Variants in GRAMD4 observed in about 807,000 individuals in gnomAD.
GRAMD4 encodes GRAM domain containing 4.
Under a neutral mutation model 83.9 loss-of-function variants are expected in GRAMD4, and 25 were observed. The ratio of observed to expected loss-of-function variants is 0.30; its 90% CI spans 0.22 to 0.42. GRAMD4 has a LOEUF of 0.42. Among genes scored for constraint, GRAMD4 ranks in the 10% least tolerant of loss-of-function variants. GRAMD4 has a pLI of 1.00. For missense variants in GRAMD4, 593 were observed against 788.7 expected (o/e 0.75, Z 2.97); for synonymous variants, 336 against 320.9 (o/e 1.05, Z -0.50).
chr22:46,619,621 C>G (rs2081546524), upstream of GRAMD4, among the ~76,000 whole-genome samples: 1 of 152,164 alleles, frequency 6.6e-6, no homozygotes, highest in African/African-American at 2.4e-5. Flanking sequence ...AGAACCAGGC[C>G]TTCTTTGCTG....
intron 2 of GRAMD4, among the ~76,000 whole-genome samples, chr22:46,636,883 C>T (rs1443938536): frequency 6.6e-6 from 1 of 152,228 alleles, no homozygotes; most frequent in Non-Finnish European, 1.5e-5. Context: ...TCGAGCCCGT[C>T]CTGGCTTGCT....
chr22:46,627,132 C>T (rs145247017), intron 2 of GRAMD4, among the ~76,000 whole-genome samples, 171 bp downstream of exon 2: 334 of 152,282 alleles, frequency 2.2e-3, no homozygotes, highest in African/African-American at 7.3e-3. Flanking sequence ...CTTGTGGGGC[C>T]GGGGTGCTGC....
chr22:46,674,778 G>T, intron 16 of GRAMD4, 28 bp downstream of exon 16: 1 of 1,506,030 alleles, frequency 6.6e-7, no homozygotes, highest in South Asian at 1.1e-5. Context: ...GCCCTGTGTG[G>T]CTGCAGGGGA....
intron 3 of GRAMD4, among the ~76,000 whole-genome samples, chr22:46,653,126 G>A (rs914705820): frequency 1.3e-5 from 2 of 152,216 alleles, no homozygotes; most frequent in African/African-American, 2.4e-5. Context: ...CATCAGGAAC[G>A]ACACTGGGCA....
At chr22:46,595,055 G>A (rs914648677) in intron 1 of GRAMD4, among the ~76,000 whole-genome samples, 4 of 152,150 alleles carry the variant, frequency 2.6e-5, no homozygotes, top group African/African-American at 4.8e-5. Flanking sequence ...GTGGCCTGGC[G>A]TCGAGGCAAA....
At chr22:46,658,672 A>G (rs1026341338) in intron 4 of GRAMD4, among the ~76,000 whole-genome samples, 1 of 151,960 alleles carries the variant, frequency 6.6e-6, no homozygotes, top group African/African-American at 2.4e-5. Flanking sequence ...TGGTGACCCC[A>G]TTCTGTACAT....
At chr22:46,591,723 C>T (rs1452556244) in intron 1 of GRAMD4, among the ~76,000 whole-genome samples, 4 of 150,904 alleles carry the variant, frequency 2.7e-5, no homozygotes, top group Non-Finnish European at 5.9e-5. Context: ...ATCCCAGCTA[C>T]TCTGGAGGTT....
intron 16 of GRAMD4, 80 bp from the exon 17 acceptor site, chr22:46,675,388 C>A: frequency 1.1e-6 from 1 of 925,620 alleles, no homozygotes; most frequent in Non-Finnish European, 1.8e-6. Context: ...GGCTGAGAGG[C>A]AGCCCCGGGA....
At chr22:46,662,516 C>T (rs964875358) in intron 5 of GRAMD4, among the ~76,000 whole-genome samples, 6 of 152,228 alleles carry the variant, frequency 3.9e-5, no homozygotes, top group African/African-American at 1.2e-4. Flanking sequence ...ACGACAACAC[C>T]GTGCGCTCAC....
At chr22:46,651,567 G>C (rs2082166277) in intron 3 of GRAMD4, among the ~76,000 whole-genome samples, 1 of 152,224 alleles carries the variant, frequency 6.6e-6, no homozygotes, top group Admixed American at 6.5e-5. Context: ...CGGCGTGTAT[G>C]GCTGCCACCT....
intron 2 of GRAMD4, among the ~76,000 whole-genome samples, chr22:46,627,727 C>T (rs1231952169): frequency 6.6e-6 from 1 of 152,238 alleles, no homozygotes; most frequent in Non-Finnish European, 1.5e-5. Context: ...GGCCTGGGAG[C>T]GCCGGCCTTC....
rs552279985 is a variant in GRAMD4, at chr22:46,671,041, C to G, written c.1085-1802C>G. On this transcript the variant is annotated intron_variant, in intron 13 of 18. Coordinates refer to ENST00000406902, the MANE Select transcript of GRAMD4 (RefSeq NM_015124.5). ...CCTGGCTTATCGGTGCCCATGTATT[C>G]TTTTGCAGTGCTGACAAGGGACCTC... is the stretch of plus-strand genomic sequence containing the variant. 199 of 456,706 alleles carry G rather than the reference C, an allele frequency of 4.4e-4. 1 individual carries two copies. The highest frequency in any genetic ancestry group is 3.8e-3 in the African/African-American group (188 of 49,960). The allele number at this position is 456,706 out of a possible 1,614,324, so 28.3% of individuals were successfully genotyped here. A position where few individuals can be genotyped will look rare whatever the true frequency, so the allele number is the denominator to read the frequency against.
At chr22:46,604,201 C>T (rs964675537) in intron 1 of GRAMD4, among the ~76,000 whole-genome samples, 1 of 152,168 alleles carries the variant, frequency 6.6e-6, no homozygotes, top group Non-Finnish European at 1.5e-5. Context: ...GCTGGCCTCC[C>T]CCCGTCAGTC....
At chr22:46,676,318 C>T (rs1244682333) in intron 17 of GRAMD4, among the ~76,000 whole-genome samples, 1 of 152,194 alleles carries the variant, frequency 6.6e-6, no homozygotes, top group East Asian at 1.9e-4. Context: ...GGGCTGAGTG[C>T]CTACCGTCAG....
chr22:46,610,948 C>T (rs2081410889), intron 1 of GRAMD4, among the ~76,000 whole-genome samples: 1 of 152,170 alleles, frequency 6.6e-6, no homozygotes, highest in East Asian at 1.9e-4. Flanking sequence ...GGAGTGGTGG[C>T]TCATGCCTGT....
In GRAMD4 at chr22:46,635,792, GC is replaced by G. The variant is rs1224682802; in HGVS notation, c.163-2042del. 4.4e-3 allele frequency among the ~76,000 whole-genome samples: 213 copies of G among 48,764 alleles called. 1 individual carries two copies. The highest frequency in any genetic ancestry group is 6.5e-3 in the Admixed American group (24 of 3,708). The allele number at this position is 48,764 out of a possible 152,430, so 32.0% of individuals were successfully genotyped here. A position where few individuals can be genotyped will look rare whatever the true frequency, so the allele number is the denominator to read the frequency against. On this transcript the variant is annotated intron_variant, in intron 2 of 18. Coordinates refer to ENST00000406902, the MANE Select transcript of GRAMD4 (RefSeq NM_015124.5). ...TGTCCTAGGTGGCCGTGTCCTCCCT[GC>G]CCCCCACCCCCCCGGCCACTGGATG...
rs970712785 is a variant in GRAMD4, at chr22:46,678,130, C to T, written c.*879C>T. 35 of 985,492 alleles carry T rather than the reference C, an allele frequency of 3.6e-5. No homozygotes were observed. Among genetic ancestry groups the T allele is most frequent in the East Asian group, 1.1e-4 (1 of 8,826 alleles). The allele number at this position is 985,492 out of a possible 1,614,324, so 61.0% of individuals were successfully genotyped here. On this transcript the variant is annotated 3_prime_UTR_variant, in exon 19 of 19. Coordinates refer to ENST00000406902, the MANE Select transcript of GRAMD4 (RefSeq NM_015124.5). The stretch of plus-strand genomic sequence containing the variant: ...TCCGCGAAGGCTGTTGGAGGTGCTC[C>T]GAGCACTGTGGCATGTCTGGCACAT...
chr22:46,598,282 G>T (rs567366582), intron 1 of GRAMD4, among the ~76,000 whole-genome samples: 1 of 152,154 alleles, frequency 6.6e-6, no homozygotes, highest in East Asian at 1.9e-4. Flanking sequence ...ACACCTGGCT[G>T]GGTGGCGTTT....
At chr22:46,652,162 G>T (rs112950835) in intron 3 of GRAMD4, among the ~76,000 whole-genome samples, 1 of 152,106 alleles carries the variant, frequency 6.6e-6, no homozygotes, top group African/African-American at 2.4e-5. Flanking sequence ...ATGAGTCGCC[G>T]ACCTTTGGTG....
Sources: allele counts gnomAD v4.1 joint callset (sites outside exome capture counted in the v4.1 genomes callset), GRCh38; gene constraint gnomAD v4.1.1; transcripts MANE v1.5; gene names NCBI Gene and HGNC (gene_info 2026-07-23, HGNC 2026-07-21).